The following NOL4 variants were observed in gnomAD, a reference collection of about 807,000 sequenced individuals.
NOL4 encodes the protein cancer/testis antigen 125.
In NOL4, 17 loss-of-function variants were observed where a neutral mutation model predicts 75.9. The observed-to-expected ratio is 0.22, with a 90% CI of 0.15 to 0.34. The LOEUF (loss-of-function observed/expected upper bound fraction) is 0.34. Ranked by LOEUF, NOL4 falls within the 10% of genes least tolerant of loss-of-function variation. NOL4 has a pLI of 1.00. For synonymous variants in NOL4, 292 were observed against 289.9 expected, an observed-to-expected ratio of 1.01 and a Z score of -0.07; for missense variants, 614 against 793.5, an observed-to-expected ratio of 0.77 and a Z score of 2.72.
intron 6 of NOL4, among the ~76,000 whole-genome samples, chr18:33,966,192 G>C (rs1302588442): frequency 2.6e-5 from 4 of 151,784 alleles, no homozygotes; most frequent in Non-Finnish European, 5.9e-5. Flanking sequence ...TTTAGAGAGG[G>C]GGCTGTTTTG....
chr18:33,869,912 G>A (rs2063612399), intron 10 of NOL4, among the ~76,000 whole-genome samples: 1 of 151,994 alleles, frequency 6.6e-6, no homozygotes, highest in African/African-American at 2.4e-5. Flanking sequence ...CGTGAACCTA[G>A]ACAGCATAAT....
chr18:34,197,239 T>C (rs898737823), intron 1 of NOL4, among the ~76,000 whole-genome samples: 1 of 152,026 alleles, frequency 6.6e-6, no homozygotes, highest in Non-Finnish European at 1.5e-5. Context: ...CTTTATCCTT[T>C]TTCTATTAAA....
Position 33,852,810 on chromosome 18 carries a change from T to G in NOL4, c.*32A>C. On this transcript the variant is annotated 3_prime_UTR_variant, in exon 11 of 11. Transcript: ENST00000261592. ...AATGTCATTAGTGGAAACTGCAAATTTAGACCTCAGTGAATATGGTGGTCG... is the reference window on the plus strand; with the variant it reads ...AATGTCATTAGTGGAAACTGCAAATGTAGACCTCAGTGAATATGGTGGTCG... The G allele has an allele frequency of 6.3e-7, 1 of 1,583,730 alleles. No individual in the cohort carries two copies. The highest frequency in any genetic ancestry group is 8.6e-7 in the Non-Finnish European group (1 of 1,162,150).
intron 6 of NOL4, among the ~76,000 whole-genome samples, chr18:34,014,007 T>G (rs889379906): frequency 1.3e-5 from 2 of 151,940 alleles, no homozygotes; most frequent in African/African-American, 4.8e-5. Flanking sequence ...AGCAGGAATA[T>G]CCATATAACA....
chr18:34,187,477 C>G (rs993451933), intron 1 of NOL4, among the ~76,000 whole-genome samples: 17 of 147,014 alleles, frequency 1.2e-4, no homozygotes, highest in Non-Finnish European at 2.4e-4. Context: ...CCCGGGTTTA[C>G]GCCATTCTCC....
chr18:33,867,025 G>C (rs1017306443), intron 10 of NOL4, among the ~76,000 whole-genome samples: 2 of 152,062 alleles, frequency 1.3e-5, no homozygotes, highest in African/African-American at 4.8e-5. Flanking sequence ...AGAATCTTAT[G>C]ATTTGTACTC....
chr18:34,137,821 TACAC>T (rs2080962360), intron 1 of NOL4, among the ~76,000 whole-genome samples: 1 of 120,748 alleles, frequency 8.3e-6, no homozygotes, highest in Non-Finnish European at 1.9e-5. Flanking sequence ...CACGCACACA[TACAC>T]ACATTCAAAA....
intron 6 of NOL4, among the ~76,000 whole-genome samples, chr18:33,978,997 T>C (rs1427965918): frequency 4.0e-5 from 6 of 151,740 alleles, no homozygotes; most frequent in Admixed American, 1.3e-4. Flanking sequence ...AACTGTGGAG[T>C]GAAAAAGAGG....
chr18:33,900,275 C>A (rs139000101), intron 9 of NOL4, among the ~76,000 whole-genome samples: 2 of 152,166 alleles, frequency 1.3e-5, no homozygotes, highest in East Asian at 3.9e-4. Flanking sequence ...AACTAATAGA[C>A]TGAGAATCAC....
intron 1 of NOL4, among the ~76,000 whole-genome samples, chr18:34,179,111 T>A (rs1336621491): frequency 6.6e-6 from 1 of 151,426 alleles, no homozygotes; most frequent in Non-Finnish European, 1.5e-5. Flanking sequence ...GAAGAAGTCA[T>A]AAAGGTAATT....
chr18:33,974,861 G>A (rs993665151), intron 6 of NOL4, among the ~76,000 whole-genome samples: 1 of 152,128 alleles, frequency 6.6e-6, no homozygotes, highest in Non-Finnish European at 1.5e-5. Context: ...AAAGATATTT[G>A]CATACCCATA....
intron 6 of NOL4, among the ~76,000 whole-genome samples, chr18:33,973,032 G>A (rs1288257018): frequency 1.3e-5 from 2 of 152,192 alleles, no homozygotes; most frequent in Non-Finnish European, 2.9e-5. Context: ...TCTGTAACAT[G>A]TGAGGTTGTT....
At chr18:33,947,020 C>T (rs2145616565) in intron 8 of NOL4, among the ~76,000 whole-genome samples, 1 of 151,604 alleles carries the variant, frequency 6.6e-6, no homozygotes, top group South Asian at 2.1e-4. Context: ...ATAATAAATG[C>T]CAATACTCTC....
intron 1 of NOL4, among the ~76,000 whole-genome samples, chr18:34,166,711 A>G (rs1224329982): frequency 1.3e-5 from 2 of 152,108 alleles, no homozygotes; most frequent in Non-Finnish European, 2.9e-5. Flanking sequence ...CCAACCATGG[A>G]TGAATAATAT....
intron 9 of NOL4, among the ~76,000 whole-genome samples, chr18:33,886,846 GATATATCTAC>G (rs1398705005): frequency 9.8e-5 from 13 of 132,120 alleles, no homozygotes; most frequent in African/African-American, 2.7e-4. Context: ...TATATATCTA[GATATATCTAC>G]ATATATCTAT....
At chr18:33,882,115 T>C (rs1465465411) in intron 10 of NOL4, among the ~76,000 whole-genome samples, 1 of 152,164 alleles carries the variant, frequency 6.6e-6, no homozygotes, top group South Asian at 2.1e-4. Flanking sequence ...GAAGAAAACC[T>C]AGGCATTACC....
chr18:33,981,926 T>C (rs2071993677), intron 6 of NOL4, among the ~76,000 whole-genome samples: 1 of 152,114 alleles, frequency 6.6e-6, no homozygotes, highest in Non-Finnish European at 1.5e-5. Flanking sequence ...ATTAGGAGTA[T>C]TTCGTTATAG....
chr18:34,104,200 G>T, intron 3 of NOL4, 41 bp from the exon 4 acceptor site: 1 of 1,099,688 alleles, frequency 9.1e-7, no homozygotes, highest in Non-Finnish European at 1.4e-6. Context: ...AAGTAATACT[G>T]CATTCTACCT....
At chr18:34,049,071 C>G (rs890203071) in intron 5 of NOL4, among the ~76,000 whole-genome samples, 1 of 84,998 alleles carries the variant, frequency 1.2e-5, no homozygotes, top group Non-Finnish European at 2.5e-5. Flanking sequence ...GATACAGGCG[C>G]GCGCACACAC....
Sources: allele counts gnomAD v4.1 joint callset (sites outside exome capture counted in the v4.1 genomes callset), GRCh38; gene constraint gnomAD v4.1.1; transcripts MANE v1.5; gene names NCBI Gene and HGNC (gene_info 2026-07-23, HGNC 2026-07-21).